XKRX: variants seen among roughly 807,000 people sequenced by gnomAD.
XKRX encodes the protein XK related X-linked, also known as XK-related protein 2.
XKRX carries 11 observed loss-of-function variants against 22.4 expected under a neutral mutation model. The observed-to-expected ratio is 0.49, with a 90% CI of 0.31 to 0.81. The LOEUF is 0.81. XKRX is among the 40% of genes least tolerant of loss of function. The pLI is 0.05. For synonymous variants in XKRX, 114 were observed against 132.2 expected, an observed-to-expected ratio of 0.86 and a Z score of 0.94; for missense variants, 320 against 336.5, an observed-to-expected ratio of 0.95 and a Z score of 0.38.
At chrX:100,907,859 T>TA in the XKRX span, among the ~76,000 whole-genome samples, 4 of 111,390 alleles carry the variant, frequency 3.6e-5, no homozygotes, top group Non-Finnish European at 7.5e-5. Context: ...CCACATCTCT[T>TA]ACACTAGTTA....
the XKRX span, among the ~76,000 whole-genome samples, chrX:100,890,887 C>T: frequency 1.8e-5 from 2 of 111,769 alleles, no homozygotes; most frequent in East Asian, 5.7e-4. Context: ...TTCATTTCAC[C>T]AATGAAATAT....
chrX:100,913,185 G>A (rs1207053440), downstream of XKRX, among the ~76,000 whole-genome samples: 4 of 96,238 alleles, frequency 4.2e-5, no homozygotes, highest in African/African-American at 2.0e-4. Context: ...AAAACAGAGC[G>A]AGACTCCATC....
chrX:100,906,340 G>A, the XKRX span, among the ~76,000 whole-genome samples: 1 of 111,835 alleles, frequency 8.9e-6, no homozygotes, highest in Non-Finnish European at 1.9e-5. Context: ...GTAATGATAT[G>A]TACCCACCAA....
chrX:100,902,875 C>T, the XKRX span, among the ~76,000 whole-genome samples: 1 of 108,973 alleles, frequency 9.2e-6, no homozygotes, highest in Non-Finnish European at 1.9e-5. Flanking sequence ...CTCAGCCTCC[C>T]GAGTACCTGG....
the XKRX span, among the ~76,000 whole-genome samples, chrX:100,954,703 T>C: frequency 0.13 from 14,844 of 112,101 alleles, 809 homozygotes; most frequent in Admixed American, 0.17. Context: ...CATAATGTGG[T>C]ATATCTATAC....
chrX:100,904,352 G>A, the XKRX span, among the ~76,000 whole-genome samples: 2 of 111,401 alleles, frequency 1.8e-5, no homozygotes, highest in African/African-American at 6.5e-5. Flanking sequence ...AAATTAACTC[G>A]AAATGGATCA....
downstream of XKRX, among the ~76,000 whole-genome samples, chrX:100,909,807 G>A (rs5921692): frequency 0.18 from 18,654 of 105,280 alleles, 1,384 homozygotes; most frequent in African/African-American, 0.23. Flanking sequence ...GGAGGCTGAG[G>A]CGGGAGAATC....
At chrX:100,934,598 G>A in the XKRX span, among the ~76,000 whole-genome samples, 1 of 111,836 alleles carries the variant, frequency 8.9e-6, no homozygotes, top group African/African-American at 3.3e-5. Flanking sequence ...AGACTGGTGT[G>A]TGACCAAACA....
At chrX:100,907,751 T>C in the XKRX span, among the ~76,000 whole-genome samples, 1 of 112,221 alleles carries the variant, frequency 8.9e-6, no homozygotes, top group East Asian at 2.8e-4. Flanking sequence ...ACAATGCATG[T>C]CAATTTAATT....
the XKRX span, among the ~76,000 whole-genome samples, chrX:100,907,258 C>T: frequency 1.8e-5 from 2 of 111,199 alleles, no homozygotes; most frequent in Non-Finnish European, 3.8e-5. Flanking sequence ...TGCAGTGGTG[C>T]GATCATGGCT....
At chrX:100,936,554 AAAAAAAAAAAAAAAAAG>A in the XKRX span, among the ~76,000 whole-genome samples, 1 of 102,348 alleles carries the variant, frequency 9.8e-6, no homozygotes, top group South Asian at 4.5e-4. Flanking sequence ...AAAAAAAAAA[AAAAAAAAAAAAAAAAAG>A]AAAAGAAAAG....
At chrX:100,896,218 G>A in the XKRX span, among the ~76,000 whole-genome samples, 1 of 111,401 alleles carries the variant, frequency 9.0e-6, no homozygotes, top group African/African-American at 3.3e-5. Context: ...AATACATAGA[G>A]CAATCTCACT....
intron 2 of XKRX, among the ~76,000 whole-genome samples, chrX:100,921,556 T>C (rs1488940645): frequency 9.0e-6 from 1 of 111,406 alleles, no homozygotes; most frequent in African/African-American, 3.3e-5. Context: ...TAATAGGAAA[T>C]GGTCCAAACC....
intron 2 of XKRX, among the ~76,000 whole-genome samples, chrX:100,915,856 T>C (rs774789409): frequency 1.8e-5 from 2 of 110,693 alleles, no homozygotes; most frequent in South Asian, 7.6e-4. Context: ...GTCTTACTTA[T>C]ATGTGGAATC....
At chrX:100,887,592 T>C in the XKRX span, 3 of 600,442 alleles carry the variant, frequency 5.0e-6, no homozygotes, top group South Asian at 6.9e-5. Flanking sequence ...AGCTTCCCTG[T>C]CACTTCTCTG....
At chrX:100,949,756 C>T in the XKRX span, among the ~76,000 whole-genome samples, 3 of 111,467 alleles carry the variant, frequency 2.7e-5, no homozygotes, top group East Asian at 5.6e-4. Flanking sequence ...AGAAAAATCT[C>T]AATATGAATG....
At chrX:100,907,331 G>A in the XKRX span, among the ~76,000 whole-genome samples, 3 of 111,043 alleles carry the variant, frequency 2.7e-5, no homozygotes, top group African/African-American at 9.8e-5. Flanking sequence ...AAGTAGCTGG[G>A]ACGACAGGTA....
the XKRX span, among the ~76,000 whole-genome samples, chrX:100,903,528 A>G: frequency 8.9e-6 from 1 of 112,210 alleles, no homozygotes; most frequent in African/African-American, 3.2e-5. Flanking sequence ...TTTGTAAGAA[A>G]CTACCAAATT....
chrX:100,900,121 G>A, the XKRX span, among the ~76,000 whole-genome samples: 2 of 112,112 alleles, frequency 1.8e-5, no homozygotes, highest in Admixed American at 1.9e-4. Flanking sequence ...ACTTTGGGAG[G>A]CACAATCTCA....
Sources: gnomAD v4.1 joint callset for allele counts (sites outside exome capture counted in the v4.1 genomes callset) on GRCh38, gnomAD v4.1.1 for gene constraint, MANE v1.5 for transcripts, NCBI Gene and HGNC (gene_info 2026-07-23, HGNC 2026-07-21) for gene names.